Variants in PCDHA1 observed in about 807,000 individuals in gnomAD.
PCDHA1 encodes protocadherin alpha 1, also known as protocadherin alpha-1.
In PCDHA1, 42 loss-of-function variants were observed where a neutral mutation model predicts 61.3. The ratio of observed to expected loss-of-function variants is 0.69; its 90% CI spans 0.54 to 0.89. The LOEUF (loss-of-function observed/expected upper bound fraction) is 0.89. Among genes scored for constraint, PCDHA1 ranks in the 40% least tolerant of loss-of-function variants. The probability of loss-of-function intolerance (pLI) is 0.00; values close to 1 mark genes in which losing one functional copy is unlikely to be tolerated. For missense variants in PCDHA1, 1,256 were observed against 1,235.3 expected, an observed-to-expected ratio of 1.02 and a Z score of -0.25; for synonymous variants, 610 against 553.8, an observed-to-expected ratio of 1.10 and a Z score of -1.43.
chr5:140,830,593 A>G lies in PCDHA1; in HGVS notation c.2394+41909A>G, dbSNP rs1771152792. 4.2e-6 allele frequency: 3 copies of G among 705,892 alleles called. No individual in the cohort carries two copies. The South Asian group carries it at 1.3e-4, about 30-fold the overall frequency. The allele number at this position is 705,892 out of a possible 1,614,324, so 43.7% of individuals were successfully genotyped here. A position where few individuals can be genotyped will look rare whatever the true frequency, so the allele number is the denominator to read the frequency against. ...TTTTTAATTTTTAATTAATTTTACA[A>G]AATTACATATTTTCATTTTATTGTG... On this transcript the variant is annotated intron_variant, in intron 1 of 3. Coordinates refer to ENST00000504120, the MANE Select transcript of PCDHA1 (RefSeq NM_018900.4).
chr5:140,948,076 A>G (rs1554218436), intron 1 of PCDHA1, among the ~76,000 whole-genome samples: 1 of 151,508 alleles, frequency 6.6e-6, no homozygotes, highest in Non-Finnish European at 1.5e-5. Flanking sequence ...ATTTTCTTTT[A>G]ATCTATTGAT....
intron 1 of PCDHA1, chr5:140,852,662 C>T: frequency 1.0e-6 from 1 of 963,512 alleles, no homozygotes; most frequent in Non-Finnish European, 1.3e-6. Context: ...ATCTGTCTAT[C>T]AGCACAACTC....
intron 1 of PCDHA1, among the ~76,000 whole-genome samples, chr5:140,844,656 C>T (rs1473422243): frequency 6.7e-6 from 1 of 149,316 alleles, no homozygotes; most frequent in African/African-American, 2.5e-5. Flanking sequence ...TTCTTGCAAA[C>T]CAAACATATA....
At chr5:140,858,165 C>G in intron 1 of PCDHA1, 1 of 1,597,786 alleles carries the variant, frequency 6.3e-7, no homozygotes, top group Non-Finnish European at 8.6e-7. Flanking sequence ...TGCGCGGTGT[C>G]CAGCTTGCTG....
At position 140,900,403 on chromosome 5, in the gene PCDHA1, A is replaced by G. The variant is rs569079456; in HGVS notation, c.2395-78546A>G. ...AGCGATTCTCCTGCCTCAGCCTCCC[A>G]AGTAGCTGGGATTATAGGCACGTGC... On this transcript the variant is annotated intron_variant, in intron 1 of 3. Coordinates refer to ENST00000504120, the MANE Select transcript of PCDHA1 (RefSeq NM_018900.4). 2.4e-3 allele frequency among the ~76,000 whole-genome samples: 360 copies of G among 152,066 alleles called. 1 individual carries two copies. Among genetic ancestry groups the G allele is most frequent in the African/African-American group, 8.1e-3 (336 of 41,500 alleles).
At chr5:140,924,725 C>T (rs1015635507) in intron 1 of PCDHA1, among the ~76,000 whole-genome samples, 71 of 151,698 alleles carry the variant, frequency 4.7e-4, no homozygotes, top group African/African-American at 1.6e-3. Flanking sequence ...CGAAACCTCA[C>T]CTCTAATAAA....
intron 1 of PCDHA1, among the ~76,000 whole-genome samples, chr5:140,838,160 CTG>C (rs1554136900): frequency 6.7e-6 from 1 of 149,878 alleles, no homozygotes; most frequent in African/African-American, 2.5e-5. Context: ...GTCGCCCTCT[CTG>C]GAGTGCAGTG....
At chr5:141,003,543 C>T (rs2098129407) in intron 3 of PCDHA1, among the ~76,000 whole-genome samples, 1 of 152,108 alleles carries the variant, frequency 6.6e-6, no homozygotes, top group Non-Finnish European at 1.5e-5. Context: ...GAACTCCTGG[C>T]TTCAAGTGAT....
intron 1 of PCDHA1, among the ~76,000 whole-genome samples, chr5:140,976,934 C>T (rs995021593): frequency 1.3e-5 from 2 of 152,170 alleles, no homozygotes; most frequent in African/African-American, 2.4e-5. Context: ...TGTGTAGCTA[C>T]TTAAAACATA....
chr5:140,805,272 T>G, intron 1 of PCDHA1: 1 of 1,287,730 alleles, frequency 7.8e-7, no homozygotes, highest in Non-Finnish European at 9.8e-7. Context: ...AATGAAAATA[T>G]TACAAATGAA....
At chr5:140,900,557 G>A (rs1006880033) in intron 1 of PCDHA1, among the ~76,000 whole-genome samples, 1 of 152,160 alleles carries the variant, frequency 6.6e-6, no homozygotes, top group African/African-American at 2.4e-5. Context: ...GATTACAGGC[G>A]TGAGCCACGG....
At chr5:140,849,816 G>A (rs2150451582) in intron 1 of PCDHA1, 4 of 1,598,578 alleles carry the variant, frequency 2.5e-6, no homozygotes, top group East Asian at 2.2e-5. Flanking sequence ...CACGGCCAGG[G>A]TGTCTGTGGA....
chr5:140,973,199 G>A (rs574187280), intron 1 of PCDHA1, among the ~76,000 whole-genome samples: 3 of 152,296 alleles, frequency 2.0e-5, no homozygotes, highest in East Asian at 3.9e-4. Context: ...CACTATGTGT[G>A]CATATTCACC....
At chr5:140,870,990 G>C in intron 1 of PCDHA1, 6 of 1,613,518 alleles carry the variant, frequency 3.7e-6, no homozygotes, top group Non-Finnish European at 5.1e-6. Flanking sequence ...ACACGGGCGA[G>C]ATAAGCACAA....
Position 141,011,490 on chromosome 5 carries a change from A to T in PCDHA1, c.*1553A>T, listed in dbSNP as rs2098420792. On this transcript the variant is annotated 3_prime_UTR_variant, in exon 4 of 4. Transcript: ENST00000504120. ...GTAATTCCATTATATTTCCTTTTGT[A>T]CACCTGTGAAAAAGTGGAGTAGTGT... The T allele has an allele frequency of 1.3e-5, 2 of 153,734 alleles. No homozygotes were observed. The highest frequency in any genetic ancestry group is 2.9e-5 in the Non-Finnish European group (2 of 68,036). 9.5% of individuals were successfully genotyped at this position (153,734 alleles called of 1,614,324 possible). A position where few individuals can be genotyped will look rare whatever the true frequency, so the allele number is the denominator to read the frequency against.
intron 1 of PCDHA1, chr5:140,882,890 C>T (rs2059348397): frequency 6.2e-7 from 1 of 1,614,060 alleles, no homozygotes; most frequent in East Asian, 2.2e-5. Flanking sequence ...AATTCAGGAA[C>T]ATAGTTTATT....
At chr5:140,931,852 G>A (rs1177917853) in intron 1 of PCDHA1, among the ~76,000 whole-genome samples, 1 of 151,728 alleles carries the variant, frequency 6.6e-6, no homozygotes, top group Admixed American at 6.6e-5. Flanking sequence ...AATAACAACA[G>A]GATTCTAGAA....
At chr5:140,852,397 C>A in intron 1 of PCDHA1, 1 of 184,368 alleles carries the variant, frequency 5.4e-6, no homozygotes, top group Non-Finnish European at 1.2e-5. Flanking sequence ...CCTGCCTCAG[C>A]CTCCTGAGTA....
chr5:140,959,038 A>ATG (rs1387162159), intron 1 of PCDHA1, among the ~76,000 whole-genome samples: 2 of 151,994 alleles, frequency 1.3e-5, no homozygotes, highest in Non-Finnish European at 2.9e-5. Flanking sequence ...ATGGGTATGT[A>ATG]TGTATAGGAA....
Sources: gnomAD v4.1 joint callset for allele counts (sites outside exome capture counted in the v4.1 genomes callset) on GRCh38, gnomAD v4.1.1 for gene constraint, MANE v1.5 for transcripts, NCBI Gene and HGNC (gene_info 2026-07-23, HGNC 2026-07-21) for gene names.